TMEM232: variants seen among roughly 807,000 people sequenced by gnomAD.
The protein encoded by TMEM232 is transmembrane protein 232.
TMEM232 carries 80 observed loss-of-function variants against 78.8 expected under a neutral mutation model. That is an observed-to-expected ratio of 1.01 (90% CI 0.85 to 1.22). The LOEUF (loss-of-function observed/expected upper bound fraction) is 1.22, where lower values mean the gene tolerates loss of function less well. Ranked by LOEUF, TMEM232 falls within the 50% of genes most tolerant of loss-of-function variation. The pLI, the probability that TMEM232 is intolerant of heterozygous loss-of-function variation, is 0.00. For synonymous variants in TMEM232, 297 were observed against 254.3 expected (o/e 1.17, Z -1.60); for missense variants, 881 against 742.2 (o/e 1.19, Z -2.17).
At chr5:110,522,682 A>AT (rs1183392320) in intron 12 of TMEM232, among the ~76,000 whole-genome samples, 1 of 151,982 alleles carries the variant, frequency 6.6e-6, no homozygotes, top group Non-Finnish European at 1.5e-5. Context: ...CGTAATTTTT[A>AT]TTTTTCATTC....
At chr5:110,573,627 T>C (rs1254228641) in intron 10 of TMEM232, among the ~76,000 whole-genome samples, 3 of 152,080 alleles carry the variant, frequency 2.0e-5, no homozygotes, top group Admixed American at 6.6e-5. Flanking sequence ...ATCAGTTTAT[T>C]ATGAATGTTA....
intron 4 of TMEM232, among the ~76,000 whole-genome samples, chr5:110,389,751 C>T (rs1203112539): frequency 1.3e-5 from 2 of 152,122 alleles, no homozygotes; most frequent in Admixed American, 6.6e-5. Context: ...ATGAAGATTA[C>T]CATGTTTCCA....
rs1012939606 is a variant in TMEM232 at position 110,431,932 on chromosome 5, A to G, written c.1704-7016T>C. On this transcript the variant is annotated intron_variant, in intron 12 of 13. Transcript: ENST00000455884. ...ATTGTTTGTATAATATAAAAAGAGA[A>G]ATGAATCAAATATTTACCAATAGTT... Among the ~76,000 whole-genome samples the G allele has an allele frequency of 4.6e-5, 7 of 151,700 alleles. No individual in the cohort carries two copies. In the East Asian group the frequency reaches 7.7e-4, roughly 17 times the overall value.
intron 11 of TMEM232, among the ~76,000 whole-genome samples, chr5:110,535,386 A>G (rs1772196543): frequency 6.6e-6 from 1 of 152,000 alleles, no homozygotes; most frequent in Non-Finnish European, 1.5e-5. Context: ...CCCAAATCCT[A>G]TAAAACGGCC....
chr5:110,547,659 T>C (rs1191126770), intron 11 of TMEM232, among the ~76,000 whole-genome samples: 1 of 152,126 alleles, frequency 6.6e-6, no homozygotes, highest in Non-Finnish European at 1.5e-5. Context: ...TATGACAAGA[T>C]ATTATTCTTA....
intron 1 of TMEM232, among the ~76,000 whole-genome samples, chr5:110,677,737 A>G (rs1792198781): frequency 6.6e-6 from 1 of 152,204 alleles, no homozygotes; most frequent in East Asian, 1.9e-4. Flanking sequence ...TTGACATTAA[A>G]TTTTGAAAAT....
chr5:110,454,307 T>C (rs1760643940), intron 12 of TMEM232, among the ~76,000 whole-genome samples: 1 of 152,064 alleles, frequency 6.6e-6, no homozygotes, highest in African/African-American at 2.4e-5. Flanking sequence ...CCAAGTGAAT[T>C]ATAAGACCAT....
chr5:110,466,745 T>C (rs905127259), intron 12 of TMEM232, among the ~76,000 whole-genome samples: 3 of 151,970 alleles, frequency 2.0e-5, no homozygotes, highest in African/African-American at 4.8e-5. Context: ...CCCGAGTAGC[T>C]GGGACTACAG....
At chr5:110,511,272 C>T (rs1397480207) in intron 12 of TMEM232, among the ~76,000 whole-genome samples, 1 of 151,936 alleles carries the variant, frequency 6.6e-6, no homozygotes, top group Non-Finnish European at 1.5e-5. Context: ...GGGAGGGGAA[C>T]ACCACACACC....
At chr5:110,444,238 G>C (rs529339295) in intron 12 of TMEM232, among the ~76,000 whole-genome samples, 3 of 152,060 alleles carry the variant, frequency 2.0e-5, no homozygotes, top group African/African-American at 7.2e-5. Flanking sequence ...CTGATGACAA[G>C]GTTTGTTCTT....
chr5:110,605,829 A>G (rs77673526), intron 9 of TMEM232, among the ~76,000 whole-genome samples: 3,249 of 152,164 alleles, frequency 0.021, 49 homozygotes, highest in Non-Finnish European at 0.036. Flanking sequence ...AAAGAAACAG[A>G]AGTGTTGATA....
chr5:110,622,190 C>G (rs1227544616), intron 7 of TMEM232, among the ~76,000 whole-genome samples: 1 of 152,044 alleles, frequency 6.6e-6, no homozygotes, highest in Non-Finnish European at 1.5e-5. Flanking sequence ...TCCTAGTAAC[C>G]ATTTACAATT....
chr5:110,671,643 AG>A (rs1220010332), intron 1 of TMEM232, among the ~76,000 whole-genome samples: 1 of 152,176 alleles, frequency 6.6e-6, no homozygotes, highest in African/African-American at 2.4e-5. Context: ...AAACTAACAC[AG>A]GAACAGAACC....
At chr5:110,710,151 T>A (rs1290813352) in intron 1 of TMEM232, among the ~76,000 whole-genome samples, 2 of 151,892 alleles carry the variant, frequency 1.3e-5, no homozygotes, top group Non-Finnish European at 2.9e-5. Context: ...CGCCAAAAAA[T>A]CAGAAAATCT....
At chr5:110,710,227 G>A (rs1463257406) in intron 1 of TMEM232, among the ~76,000 whole-genome samples, 2 of 152,008 alleles carry the variant, frequency 1.3e-5, no homozygotes, top group Admixed American at 6.6e-5. Flanking sequence ...TTCTTAATCT[G>A]AACAGACCAA....
At chr5:110,483,021 G>A (rs1488404689) in intron 12 of TMEM232, among the ~76,000 whole-genome samples, 1 of 152,112 alleles carries the variant, frequency 6.6e-6, no homozygotes, top group Non-Finnish European at 1.5e-5. Flanking sequence ...TACTACATAA[G>A]TATAAAAGTA....
chr5:110,547,079 G>A lies in TMEM232; in HGVS notation c.1456-18244C>T, dbSNP rs372616367. Reference sequence around the variant, plus strand: ...ATTCAACTTAAATAGAACATATTCTGACTGTTTTAGGTAAGAAAATATAAT... The same window carrying A: ...ATTCAACTTAAATAGAACATATTCTAACTGTTTTAGGTAAGAAAATATAAT... On this transcript the variant is annotated intron_variant, in intron 11 of 13. Transcript: ENST00000455884. Among the ~76,000 whole-genome samples, 10 of 151,946 alleles carry A rather than the reference G, an allele frequency of 6.6e-5. No homozygotes were observed. The East Asian group carries it at 1.7e-3, about 26-fold the overall frequency.
At chr5:110,466,898 T>G (rs1762135876) in intron 12 of TMEM232, among the ~76,000 whole-genome samples, 1 of 149,660 alleles carries the variant, frequency 6.7e-6, no homozygotes, top group Admixed American at 6.7e-5. Flanking sequence ...ACTATAGTAT[T>G]TGTGTGTGTG....
intron 1 of TMEM232, among the ~76,000 whole-genome samples, chr5:110,703,895 C>T (rs597706): frequency 0.99 from 151,131 of 152,200 alleles, 75,051 homozygotes; most frequent in Non-Finnish European, 1. Flanking sequence ...TCAAATTACT[C>T]GGCCCAAGTC....
Sources: gnomAD v4.1 joint callset for allele counts (sites outside exome capture counted in the v4.1 genomes callset) on GRCh38, gnomAD v4.1.1 for gene constraint, MANE v1.5 for transcripts, NCBI Gene and HGNC (gene_info 2026-07-23, HGNC 2026-07-21) for gene names.